Variants in ABLIM3 observed in about 807,000 individuals in gnomAD.
The protein encoded by ABLIM3 is actin-binding LIM protein 3.
Under a neutral mutation model 109.5 loss-of-function variants are expected in ABLIM3, and 61 were observed. The ratio of observed to expected loss-of-function variants is 0.56; its 90% CI spans 0.45 to 0.69. ABLIM3 has a LOEUF of 0.69. ABLIM3 is among the 30% of genes least tolerant of loss of function. ABLIM3 has a pLI of 0.00. For synonymous variants in ABLIM3, 300 were observed against 324.8 expected, an observed-to-expected ratio of 0.92 and a Z score of 0.82; for missense variants, 796 against 889.5, an observed-to-expected ratio of 0.89 and a Z score of 1.34.
chr5:149,252,298 T>TTCCCTTCCCTACATAGAC, intron 22 of ABLIM3, 90 bp downstream of exon 22: 1 of 1,459,614 alleles, frequency 6.9e-7, no homozygotes, highest in Non-Finnish European at 9.4e-7. Flanking sequence ...ACTGTCTATG[T>TTCCCTTCCCTACATAGAC]AGGGAAGGGA....
At position 149,198,508 on chromosome 5, in the gene ABLIM3, C is replaced by T. The variant is rs1758194511; in HGVS notation, c.335+106C>T. ...TCTGGGGTTTACAAGGTTTGTGCTG[C>T]ACATTTAGATTTCTGGAACCTCAGG... On this transcript the variant is annotated intron_variant, in intron 4 of 23. Coordinates refer to ENST00000309868, the MANE Select transcript of ABLIM3 (RefSeq NM_014945.5). The surrounding 1 kb of genome is among the most constrained non-coding windows in gnomAD (Gnocchi z 4.2). 1 of 1,357,072 alleles carries T rather than the reference C, an allele frequency of 7.4e-7. No individual in the cohort carries two copies. Among genetic ancestry groups the T allele is most frequent in the Admixed American group, 2.9e-5 (1 of 34,174 alleles). 84.1% of individuals were successfully genotyped at this position (1,357,072 alleles called of 1,614,324 possible). A position where few individuals can be genotyped will look rare whatever the true frequency, so the allele number is the denominator to read the frequency against.
chr5:149,157,659 A>G lies in ABLIM3; in HGVS notation c.13+15551A>G, dbSNP rs112949090. Among the ~76,000 whole-genome samples, 182 of 152,076 alleles carry G rather than the reference A, an allele frequency of 1.2e-3. 2 individuals carry two copies. The highest frequency in any genetic ancestry group is 4.3e-3 in the African/African-American group (179 of 41,490). ...GTATTCCCTGGAATTGGATAGGGAG[A>G]TATTCAGAAGAAGAAGTGTTTATTC... On this transcript the variant is annotated intron_variant, in intron 2 of 23. Transcript: ENST00000309868.
chr5:149,247,712 C>T lies in ABLIM3; in HGVS notation c.1552-70C>T, dbSNP rs547504476. ...ATGGAGGATGTGATCCTCAGCCTTG[C>T]CCAAGCCCGTTCCATCTCAGTGTCC... On this transcript the variant is annotated intron_variant, in intron 17 of 23. Transcript: ENST00000309868. The T allele has an allele frequency of 1.9e-5, 31 of 1,604,150 alleles. 1 individual carries two copies. Among genetic ancestry groups the T allele is most frequent in the South Asian group, 6.6e-5 (6 of 90,690 alleles).
At chr5:149,168,727 A>G (rs1393464146) in intron 2 of ABLIM3, among the ~76,000 whole-genome samples, 1 of 152,230 alleles carries the variant, frequency 6.6e-6, no homozygotes, top group Non-Finnish European at 1.5e-5. Flanking sequence ...ATACTTTGTA[A>G]TATTTGAAGG....
intron 11 of ABLIM3, among the ~76,000 whole-genome samples, chr5:149,238,580 C>A (rs1213185441): frequency 6.6e-6 from 1 of 152,236 alleles, no homozygotes; most frequent in African/African-American, 2.4e-5. Context: ...TTGTTTCACT[C>A]ACAAAGTGTC....
chr5:149,171,443 A>G (rs55706015), intron 2 of ABLIM3, among the ~76,000 whole-genome samples: 15,194 of 152,268 alleles, frequency 0.1, 961 homozygotes, highest in Middle Eastern at 0.18. Context: ...CATTTTATAG[A>G]TGGAGAAACT....
chr5:149,254,437 G>C (rs371956550), intron 23 of ABLIM3, among the ~76,000 whole-genome samples: 10 of 152,136 alleles, frequency 6.6e-5, no homozygotes, highest in East Asian at 5.8e-4. Context: ...TCTACCACAG[G>C]GTCTGGGCTG....
At chr5:149,225,982 GTATATATA>G (rs58844908) in intron 8 of ABLIM3, among the ~76,000 whole-genome samples, 2,326 of 44,860 alleles carry the variant, frequency 0.052, 38 homozygotes, top group South Asian at 0.072. Flanking sequence ...GTGTGTGTGT[GTATATATA>G]TATATATATA....
At chr5:149,230,436 T>G (rs17109823) in intron 8 of ABLIM3, among the ~76,000 whole-genome samples, 6,912 of 152,006 alleles carry the variant, frequency 0.045, 496 homozygotes, top group African/African-American at 0.15. Context: ...CCTAGACCTT[T>G]AGGAACAGGT....
Position 149,173,583 on chromosome 5 carries a change from A to C in ABLIM3, c.14-9869A>C, listed in dbSNP as rs1045846027. The stretch of plus-strand genomic sequence containing the variant: ...TTCCCTGAGGTGGGATGGGGTCACA[A>C]GGGGTGGCACTCCAGGCCCTACCCC... On this transcript the variant is annotated intron_variant, in intron 2 of 23. Coordinates refer to ENST00000309868, the MANE Select transcript of ABLIM3 (RefSeq NM_014945.5). Among the ~76,000 whole-genome samples the C allele has an allele frequency of 3.9e-5, 6 of 152,248 alleles. No homozygotes were observed. In the East Asian group the frequency reaches 1.2e-3, roughly 29 times the overall value.
intron 8 of ABLIM3, among the ~76,000 whole-genome samples, chr5:149,223,404 C>T (rs1760858090): frequency 6.6e-6 from 1 of 152,164 alleles, no homozygotes; most frequent in Admixed American, 6.5e-5. Flanking sequence ...CTGGGCAAGT[C>T]AAGAACTTGT....
chr5:149,239,778 A>G lies in ABLIM3; in HGVS notation c.1094A>G (p.Asp365Gly), dbSNP rs200429652. The change falls in exon 13 of 24, where the codon GAC becomes GGC. Residue 365 changes from aspartate (D) to glycine (G), a missense_variant. Coordinates refer to ENST00000309868, the MANE Select transcript of ABLIM3 (RefSeq NM_014945.5). ...PYSQDIYENL[D>G]LRQRRASSPG... is the part of the protein sequence containing the mutation. ...TCCCAGGACATCTACGAGAACCTGG[A>G]CCTCCGGCAGAGACGGGCCTCCAGC... The G allele has an allele frequency of 1.2e-4, 191 of 1,606,266 alleles. 1 individual carries two copies. In the East Asian group the frequency reaches 4.0e-3, roughly 34 times the overall value.
chr5:149,208,840 C>T (rs1759271975), intron 6 of ABLIM3, among the ~76,000 whole-genome samples: 1 of 152,090 alleles, frequency 6.6e-6, no homozygotes, highest in Non-Finnish European at 1.5e-5. Context: ...TGTGAATATT[C>T]AGAGAAAAAA....
chr5:149,187,468 A>T (rs567488201), intron 3 of ABLIM3, among the ~76,000 whole-genome samples: 1 of 152,354 alleles, frequency 6.6e-6, no homozygotes, highest in Admixed American at 6.5e-5. Flanking sequence ...TCAAGGAAAG[A>T]TTATGTATTC....
Position 149,200,169 on chromosome 5 carries a change from C to G in ABLIM3, c.336-147C>G, listed in dbSNP as rs1420994255. On this transcript the variant is annotated intron_variant, in intron 4 of 23. Transcript: ENST00000309868. ...GCCCCTAATTGAGCAGTTTAGTTGGCCTGTCACTGTGAACAGCATTTGAAT... is the reference window on the plus strand; with the variant it reads ...GCCCCTAATTGAGCAGTTTAGTTGGGCTGTCACTGTGAACAGCATTTGAAT... The G allele has an allele frequency of 5.9e-6, 4 of 682,316 alleles. No homozygotes were observed. In the African/African-American group the frequency reaches 7.1e-5, roughly 12 times the overall value. 42.3% of individuals were successfully genotyped at this position (682,316 alleles called of 1,614,324 possible). A position where few individuals can be genotyped will look rare whatever the true frequency, so the allele number is the denominator to read the frequency against.
intron 8 of ABLIM3, among the ~76,000 whole-genome samples, chr5:149,227,927 A>G (rs1277529376): frequency 6.6e-6 from 1 of 152,206 alleles, no homozygotes; most frequent in African/African-American, 2.4e-5. Context: ...ACAGACATGA[A>G]TCCTCTCCTC....
chr5:149,230,069 C>T (rs1280959252), intron 8 of ABLIM3, among the ~76,000 whole-genome samples: 2 of 152,194 alleles, frequency 1.3e-5, no homozygotes, highest in African/African-American at 2.4e-5. Flanking sequence ...GTTCACCATG[C>T]TCTGTCACTC....
At chr5:149,248,639 G>A (rs1028869191) in intron 18 of ABLIM3, among the ~76,000 whole-genome samples, 96 of 143,972 alleles carry the variant, frequency 6.7e-4, no homozygotes, top group African/African-American at 2.3e-3. Flanking sequence ...GCAGTGAGCC[G>A]AGATTGCACC....
chr5:149,195,345 C>T (rs779798575), intron 3 of ABLIM3, among the ~76,000 whole-genome samples: 33 of 152,354 alleles, frequency 2.2e-4, no homozygotes, highest in Non-Finnish European at 1.5e-5. Flanking sequence ...TCCGGATTTG[C>T]TCAAAGCAGT....
Sources: gnomAD v4.1 joint callset for allele counts (sites outside exome capture counted in the v4.1 genomes callset) on GRCh38, gnomAD v4.1.1 for gene constraint, Gnocchi (gnomAD v3.1) non-coding constraint, MANE v1.5 for transcripts, NCBI Gene and HGNC (gene_info 2026-07-23, HGNC 2026-07-21) for gene names.